The following CDH2 variants were observed in gnomAD, a reference collection of about 807,000 sequenced individuals.
The protein encoded by CDH2 is cadherin-2.
CDH2 carries 17 observed loss-of-function variants against 92.0 expected under a neutral mutation model. The observed-to-expected ratio is 0.18, with a 90% CI of 0.13 to 0.28. The LOEUF (loss-of-function observed/expected upper bound fraction) is 0.28, where lower values mean the gene tolerates loss of function less well. Ranked by LOEUF, CDH2 falls within the 10% of genes least tolerant of loss-of-function variation. The pLI, the probability that CDH2 is intolerant of heterozygous loss-of-function variation, is 1.00. For missense variants in CDH2, 862 were observed against 1,133.1 expected (o/e 0.76, Z 3.44); for synonymous variants, 419 against 415.9 (o/e 1.01, Z -0.09).
At chr18:27,934,350 T>C (rs191433311) in intron 6 of CDH2, among the ~76,000 whole-genome samples, 1 of 152,296 alleles carries the variant, frequency 6.6e-6, no homozygotes, top group Non-Finnish European at 1.5e-5. Context: ...TGAGTGCCAT[T>C]TTTGCTTTGA....
intron 1 of CDH2, among the ~76,000 whole-genome samples, chr18:28,155,168 T>G (rs1028790107): frequency 1.3e-5 from 2 of 152,174 alleles, no homozygotes; most frequent in African/African-American, 4.8e-5. Flanking sequence ...GACTGAGAAC[T>G]CTGCAGCAAA....
intron 8 of CDH2, 151 bp from the exon 9 acceptor site, chr18:27,992,991 T>C: frequency 1.9e-6 from 1 of 533,880 alleles, no homozygotes; most frequent in Non-Finnish European, 3.2e-6. Context: ...AATCACAGCA[T>C]TTATGTCTGA....
chr18:28,171,947 C>T (rs1450683981), intron 1 of CDH2, among the ~76,000 whole-genome samples: 1 of 152,148 alleles, frequency 6.6e-6, no homozygotes, highest in Non-Finnish European at 1.5e-5. Context: ...AGTTATTATA[C>T]TGTTGGTGCC....
At chr18:27,979,843 T>C (rs1035346520) in intron 14 of CDH2, among the ~76,000 whole-genome samples, 4 of 152,216 alleles carry the variant, frequency 2.6e-5, no homozygotes, top group Non-Finnish European at 5.9e-5. Context: ...GGGAAGCTTC[T>C]AGGGTGCTGG....
intron 2 of CDH2, among the ~76,000 whole-genome samples, chr18:28,116,605 C>T (rs1447002849): frequency 6.6e-6 from 1 of 152,098 alleles, no homozygotes; most frequent in African/African-American, 2.4e-5. Flanking sequence ...AAACAACTCC[C>T]AAAAGGGTAG....
intron 2 of CDH2, among the ~76,000 whole-genome samples, chr18:28,117,518 C>A (rs1416530255): frequency 6.6e-6 from 1 of 152,082 alleles, no homozygotes; most frequent in Non-Finnish European, 1.5e-5. Context: ...CCACAGACAC[C>A]AGAGCCTAGG....
chr18:28,038,729 C>T (rs2013889747), intron 2 of CDH2, among the ~76,000 whole-genome samples: 1 of 152,040 alleles, frequency 6.6e-6, no homozygotes, highest in South Asian at 2.1e-4. Flanking sequence ...ACAAAATGTA[C>T]TGATGTCAGC....
intron 1 of CDH2, among the ~76,000 whole-genome samples, chr18:28,173,096 T>G (rs2016488535): frequency 6.6e-6 from 1 of 152,140 alleles, no homozygotes; most frequent in African/African-American, 2.4e-5. Context: ...TTTTAGTCTC[T>G]ACATGTAAAA....
intron 14 of CDH2, among the ~76,000 whole-genome samples, chr18:27,964,779 C>T (rs2011496320): frequency 6.6e-6 from 1 of 152,088 alleles, no homozygotes; most frequent in South Asian, 2.1e-4. Flanking sequence ...CGCATATGGT[C>T]CCAGATCTAT....
intron 15 of CDH2, among the ~76,000 whole-genome samples, chr18:27,962,559 T>C (rs2011435266): frequency 6.6e-6 from 1 of 152,182 alleles, no homozygotes; most frequent in Non-Finnish European, 1.5e-5. Flanking sequence ...ATTCTGATCT[T>C]GGAGACACCA....
chr18:28,007,165 A>AAAAAAAAAAAAATATATAT (rs1172779200), intron 5 of CDH2, among the ~76,000 whole-genome samples: 1 of 110,502 alleles, frequency 9.0e-6, no homozygotes, highest in African/African-American at 4.4e-5. Flanking sequence ...ATAAAAAAAA[A>AAAAAAAAAAAAATATATAT]ATATATATAT....
At chr18:28,080,154 A>C (rs1340187094) in intron 2 of CDH2, among the ~76,000 whole-genome samples, 1 of 152,158 alleles carries the variant, frequency 6.6e-6, no homozygotes, top group African/African-American at 2.4e-5. Context: ...CCCTGAGGGC[A>C]AAGCAAAAAC....
chr18:28,122,543 T>C (rs1240426763), intron 2 of CDH2, among the ~76,000 whole-genome samples: 2 of 152,164 alleles, frequency 1.3e-5, no homozygotes, highest in African/African-American at 2.4e-5. Context: ...TTGGACTCCA[T>C]GGTAAAGAGT....
At chr18:27,939,580 G>A (rs1382575140) in intron 6 of CDH2, among the ~76,000 whole-genome samples, 2 of 152,116 alleles carry the variant, frequency 1.3e-5, no homozygotes, top group Non-Finnish European at 2.9e-5. Context: ...CTCTTCCTGT[G>A]CGTTGCAGAT....
intron 2 of CDH2, among the ~76,000 whole-genome samples, chr18:28,084,993 G>A (rs2014899812): frequency 6.6e-6 from 1 of 152,074 alleles, no homozygotes; most frequent in Non-Finnish European, 1.5e-5. Flanking sequence ...CCTGGTCAAA[G>A]CTGAATTCCC....
intron 14 of CDH2, among the ~76,000 whole-genome samples, chr18:27,979,711 T>C (rs796698546): frequency 3.3e-5 from 5 of 152,156 alleles, no homozygotes; most frequent in African/African-American, 1.2e-4. Context: ...ATGCACAGAG[T>C]GCCGACTGTT....
intron 1 of CDH2, among the ~76,000 whole-genome samples, chr18:28,175,802 G>T (rs1047785744): frequency 6.6e-6 from 1 of 152,228 alleles, no homozygotes; most frequent in African/African-American, 2.4e-5. Flanking sequence ...ACAGGCAGGG[G>T]GACCCTCCGT....
chr18:27,947,764 A>ATATAAG (rs1909309141), downstream of CDH2, among the ~76,000 whole-genome samples: 1 of 20,162 alleles, frequency 5.0e-5, no homozygotes, highest in East Asian at 2.3e-3. Context: ...TGATGTAAGT[A>ATATAAG]TATGTGATAT....
intron 5 of CDH2, among the ~76,000 whole-genome samples, chr18:28,008,670 A>T (rs1317528888): frequency 1.3e-5 from 2 of 152,084 alleles, no homozygotes; most frequent in Non-Finnish European, 2.9e-5. Context: ...GGTGCAGCAC[A>T]CCAACATGGC....
Sources: allele counts gnomAD v4.1 joint callset (sites outside exome capture counted in the v4.1 genomes callset), GRCh38; gene constraint gnomAD v4.1.1; transcripts MANE v1.5; gene names NCBI Gene and HGNC (gene_info 2026-07-23, HGNC 2026-07-21).